The following ITGAD variants were observed in gnomAD, a reference collection of about 807,000 sequenced individuals.
ITGAD encodes integrin alpha-D.
In ITGAD, 105 loss-of-function variants were observed where a neutral mutation model predicts 139.0. The observed-to-expected ratio is 0.76, with a 90% confidence interval of 0.65 to 0.89. ITGAD has a LOEUF of 0.89. Ranked by LOEUF, ITGAD falls within the 40% of genes least tolerant of loss-of-function variation. The probability of loss-of-function intolerance (pLI) is 0.00; values close to 1 mark genes in which losing one functional copy is unlikely to be tolerated. For synonymous variants in ITGAD, 569 were observed against 598.3 expected (o/e 0.95, Z 0.71); for missense variants, 1,384 against 1,487.3 (o/e 0.93, Z 1.14).
At position 31,413,159 on chromosome 16, in the gene ITGAD, C is replaced by T. The variant is rs549189211; in HGVS notation, c.1909C>T (p.Arg637Trp). Residue 637 changes from arginine (R) to tryptophan (W), a missense_variant, in exon 16 of 30, where the codon CGG becomes TGG. Physicochemically the swap from Arg to Trp is moderately radical, Grantham distance 101. Coordinates refer to ENST00000389202, the MANE Select transcript of ITGAD (RefSeq NM_005353.3). ...SPVEVAKAVYRCWEEKPSALE... is the reference protein window; with the variant it reads ...SPVEVAKAVYWCWEEKPSALE... ...TGTGGAGGTGGCCAAGGCTGTGTAC[C>T]GGTGCTGGGAAGAGAAGCCCAGTGC... The T allele has an allele frequency of 2.0e-5, 32 of 1,614,144 alleles. No homozygotes were observed. The highest frequency in any genetic ancestry group is 6.7e-5 in the East Asian group (3 of 44,874).
At chr16:31,418,688 T>C in intron 23 of ITGAD, 124 bp downstream of exon 23, 1 of 761,720 alleles carries the variant, frequency 1.3e-6, no homozygotes. Flanking sequence ...GATGCCTTTG[T>C]GGGTGAATGG....
chr16:31,419,766 G>A (rs1287458912), intron 23 of ITGAD, among the ~76,000 whole-genome samples: 1 of 147,838 alleles, frequency 6.8e-6, no homozygotes, highest in African/African-American at 2.6e-5. Context: ...AGCTGAGATC[G>A]CGCTGCTGCA....
rs112325763 is a variant in ITGAD at position 31,410,110 on chromosome 16, C to T, written c.1084-285C>T. Among the ~76,000 whole-genome samples, 738 of 151,944 alleles carry T rather than the reference C, an allele frequency of 4.9e-3. 11 individuals carry two copies. Among genetic ancestry groups the T allele is most frequent in the African/African-American group, 0.017 (685 of 41,404 alleles). On this transcript the variant is annotated intron_variant, in intron 10 of 29. Coordinates refer to ENST00000389202, the MANE Select transcript of ITGAD (RefSeq NM_005353.3). Reference sequence around the variant, plus strand: ...AAGGGCCTTGGTGATGGTTTTCCAGCAGGGGTGGCTGCACATTTGGGTTTG... The same window carrying T: ...AAGGGCCTTGGTGATGGTTTTCCAGTAGGGGTGGCTGCACATTTGGGTTTG...
intron 17 of ITGAD, 59 bp downstream of exon 17, chr16:31,414,664 C>T: frequency 5.0e-6 from 8 of 1,601,564 alleles, no homozygotes; most frequent in South Asian, 1.1e-5. Flanking sequence ...TGGCCTGGAG[C>T]ACCCCCGTTC....
In ITGAD at chr16:31,423,839, C is replaced by A. The variant is rs1393797415; in HGVS notation, c.3046-6C>A. On this transcript the variant is annotated splice_region_variant and splice_polypyrimidine_tract_variant and intron_variant, in intron 26 of 29. Coordinates refer to ENST00000389202, the MANE Select transcript of ITGAD (RefSeq NM_005353.3). ...CCCCTCAGTTTCACCCCTCTTCTGCCCCCAGGACTGCTCCATTGCTGACTG... is the reference window on the plus strand; with the variant it reads ...CCCCTCAGTTTCACCCCTCTTCTGCACCCAGGACTGCTCCATTGCTGACTG... 6.2e-7 allele frequency: 1 copy of A among 1,614,102 alleles called. No individual in the cohort carries two copies. Among genetic ancestry groups the A allele is most frequent in the Admixed American group, 1.7e-5 (1 of 60,012 alleles).
chr16:31,413,965 C>T (rs2081808258), intron 16 of ITGAD, among the ~76,000 whole-genome samples: 1 of 152,180 alleles, frequency 6.6e-6, no homozygotes, highest in Admixed American at 6.5e-5. Context: ...CATCACGTCC[C>T]ATGTGCTTGG....
Position 31,413,195 on chromosome 16 carries a change from G to A in ITGAD, c.1945G>A (p.Gly649Arg), listed in dbSNP as rs2081780988. The A allele has an allele frequency of 6.2e-7, 1 of 1,614,124 alleles. No individual in the cohort carries two copies. Among genetic ancestry groups the A allele is most frequent in the South Asian group, 1.1e-5 (1 of 91,090 alleles). Residue 649 changes from glycine (G) to arginine (R), a missense_variant, in exon 16 of 30, where the codon GGG (glycine) becomes AGG (arginine). Coordinates refer to ENST00000389202, the MANE Select transcript of ITGAD (RefSeq NM_005353.3). ...AGAGAAGCCCAGTGCCCTGGAAGCTGGGGACGCCACCGTCTGTCTCACCAT... is the reference window on the plus strand; with the variant it reads ...AGAGAAGCCCAGTGCCCTGGAAGCTAGGGACGCCACCGTCTGTCTCACCAT... The part of the protein sequence containing the change: ...WEEKPSALEA[G>R]DATVCLTIQK...
At chr16:31,408,041 G>A (rs1261446086) in intron 9 of ITGAD, 125 bp downstream of exon 9, 24 of 1,007,426 alleles carry the variant, frequency 2.4e-5, no homozygotes, top group African/African-American at 4.9e-5. Context: ...GCACGATCTC[G>A]GCTCACTGCA....
Position 31,414,452 on chromosome 16 carries a change from T to G in ITGAD, c.1998T>G (p.Gly666=). 5.0e-6 allele frequency: 8 copies of G among 1,613,952 alleles called. No homozygotes were observed. Among genetic ancestry groups the G allele is most frequent in the Non-Finnish European group, 5.9e-6 (7 of 1,179,810 alleles). Residue 666 remains glycine, a splice_region_variant and synonymous_variant, in exon 17 of 30, where the codon GGT becomes GGG. Transcript: ENST00000389202. Reference sequence around the variant, plus strand: ...TTTGCACTCTCCCCTGCACTTCAGGTGACATCCAAAGCTCTGTCAGGTTTG... The same window carrying G: ...TTTGCACTCTCCCCTGCACTTCAGGGGACATCCAAAGCTCTGTCAGGTTTG... ...TIQKSSLDQL[G]DIQSSVRFDL...
Position 31,413,104 on chromosome 16 carries a change from G to T in ITGAD, c.1854G>T (p.Leu618=). 2 of 1,614,174 alleles carry T rather than the reference G, an allele frequency of 1.2e-6. No individual in the cohort carries two copies. Among genetic ancestry groups the T allele is most frequent in the Non-Finnish European group, 1.7e-6 (2 of 1,180,030 alleles). Residue 618 remains leucine, a synonymous_variant, in exon 16 of 30, where the codon CTG becomes CTT. Coordinates refer to ENST00000389202, the MANE Select transcript of ITGAD (RefSeq NM_005353.3). Reference sequence around the variant, plus strand: ...TGCCCCTCAGGAGTCTGCCGGTGCTGAAAGTGGGGGTGGCCATGAGATTCA... The same window carrying T: ...TGCCCCTCAGGAGTCTGCCGGTGCTTAAAGTGGGGGTGGCCATGAGATTCA... ...QVLLLRSLPV[L]KVGVAMRFSP...
At chr16:31,412,080 T>C (rs1001036718) in intron 14 of ITGAD, among the ~76,000 whole-genome samples, 2 of 151,906 alleles carry the variant, frequency 1.3e-5, no homozygotes, top group African/African-American at 2.4e-5. Context: ...TTTTTTTCTT[T>C]TTTTTTTGAG....
At position 31,423,849 on chromosome 16, in the gene ITGAD, G is replaced by A; in HGVS notation, c.3050G>A (p.Cys1017Tyr). The part of the protein sequence containing the change: ...TQISRSPMLD[C>Y]SIADCLQFRC... ...TCACCCCTCTTCTGCCCCCAGGACT[G>A]CTCCATTGCTGACTGCCTGCAGTTC... The change falls in exon 27 of 30, where the codon TGC becomes TAC. Residue 1017 changes from cysteine to tyrosine, a missense_variant. Coordinates refer to ENST00000389202, the MANE Select transcript of ITGAD (RefSeq NM_005353.3). 1 of 1,614,220 alleles carries A rather than the reference G, an allele frequency of 6.2e-7. No individual in the cohort carries two copies. The highest frequency in any genetic ancestry group is 8.5e-7 in the Non-Finnish European group (1 of 1,180,034).
In ITGAD at chr16:31,418,359, T is replaced by C; in HGVS notation, c.2675T>C (p.Leu892Pro). ...SYKATLGDRMLMRASASSENN... is the reference protein window; with the variant it reads ...SYKATLGDRMPMRASASSENN... Reference sequence around the variant, plus strand: ...AAGGCCACCCTGGGAGACAGGATGCTTATGAGGGCCAGTGCAAGCAGGTGG... The same window carrying C: ...AAGGCCACCCTGGGAGACAGGATGCCTATGAGGGCCAGTGCAAGCAGGTGG... Residue 892 changes from leucine to proline, a missense_variant, in exon 22 of 30, where the codon CTT becomes CCT. Leu to Pro is a moderately conservative substitution (Grantham distance 98). Coordinates refer to ENST00000389202, the MANE Select transcript of ITGAD (RefSeq NM_005353.3). The C allele has an allele frequency of 6.2e-7, 1 of 1,614,054 alleles. No individual in the cohort carries two copies.
In ITGAD at chr16:31,413,208, T is replaced by C; in HGVS notation, c.1958T>C (p.Val653Ala). The C allele has an allele frequency of 6.2e-7, 1 of 1,614,096 alleles. No individual in the cohort carries two copies. The highest frequency in any genetic ancestry group is 8.5e-7 in the Non-Finnish European group (1 of 1,180,000). ...PSALEAGDAT[V>A]CLTIQKSSLD... ...GCCCTGGAAGCTGGGGACGCCACCG[T>C]CTGTCTCACCATCCAGAAAAGCTCA... Residue 653 changes from valine (V) to alanine (A), a missense_variant, in exon 16 of 30, where the codon GTC becomes GCC. Coordinates refer to ENST00000389202, the MANE Select transcript of ITGAD (RefSeq NM_005353.3).
At chr16:31,425,963 G>GAGCC in intron 29 of ITGAD, 52 bp from the exon 30 acceptor site, 1 of 1,213,662 alleles carries the variant, frequency 8.2e-7, no homozygotes, top group Admixed American at 1.8e-5. Context: ...TTACAGGTGT[G>GAGCC]AGCCACCGGG....
At chr16:31,418,449 C>G in intron 22 of ITGAD, 32 bp from the exon 23 acceptor site, 1 of 1,609,320 alleles carries the variant, frequency 6.2e-7, no homozygotes, top group South Asian at 1.1e-5. Context: ...CTCCTGGATT[C>G]CTTCCCATTG....
chr16:31,412,771 C>T, intron 14 of ITGAD, 67 bp from the exon 15 acceptor site: 1 of 1,600,322 alleles, frequency 6.2e-7, no homozygotes, highest in East Asian at 2.2e-5. Flanking sequence ...CCATATTCCC[C>T]TTGTTACTTA....
Position 31,423,857 on chromosome 16 carries a change from G to T in ITGAD, c.3058G>T (p.Ala1020Ser), listed in dbSNP as rs2082056685. Residue 1020 changes from alanine (A) to serine (S), a missense_variant, in exon 27 of 30, where the codon GCT (alanine) becomes TCT (serine). Coordinates refer to ENST00000389202, the MANE Select transcript of ITGAD (RefSeq NM_005353.3). ...CTTCTGCCCCCAGGACTGCTCCATTGCTGACTGCCTGCAGTTCCGCTGTGA... is the reference window on the plus strand; with the variant it reads ...CTTCTGCCCCCAGGACTGCTCCATTTCTGACTGCCTGCAGTTCCGCTGTGA... Reference protein sequence around the residue: ...SRSPMLDCSIADCLQFRCDVP... With the variant: ...SRSPMLDCSISDCLQFRCDVP... 3.7e-6 allele frequency: 6 copies of T among 1,614,044 alleles called. No individual in the cohort carries two copies. The highest frequency in any genetic ancestry group is 5.1e-6 in the Non-Finnish European group (6 of 1,180,040).
intron 5 of ITGAD, 72 bp downstream of exon 5, chr16:31,397,981 GT>G: frequency 8.4e-7 from 1 of 1,192,504 alleles, no homozygotes; most frequent in Non-Finnish European, 1.2e-6. Context: ...CGTGAGGCCT[GT>G]GTCTGGGCCC....
Sources: allele counts gnomAD v4.1 joint callset (sites outside exome capture counted in the v4.1 genomes callset), GRCh38; gene constraint gnomAD v4.1.1; transcripts MANE v1.5; gene names NCBI Gene and HGNC (gene_info 2026-07-23, HGNC 2026-07-21).